GUCY2C: variants seen among roughly 807,000 people sequenced by gnomAD.
The protein encoded by GUCY2C is guanylyl cyclase C.
GUCY2C carries 118 observed loss-of-function variants against 131.1 expected under a neutral mutation model. The observed-to-expected ratio is 0.90, with a 90% CI of 0.78 to 1.05. GUCY2C has a LOEUF of 1.05. Among genes scored for constraint, GUCY2C ranks in the 50% least tolerant of loss-of-function variants. The pLI, the probability that GUCY2C is intolerant of heterozygous loss-of-function variation, is 0.00. For synonymous variants in GUCY2C, 452 were observed against 457.8 expected (o/e 0.99, Z 0.16); for missense variants, 1,161 against 1,304.4 (o/e 0.89, Z 1.69).
Position 14,613,084 on chromosome 12 carries a change from T to C in GUCY2C, c.*33A>G. Reference sequence around the variant, plus strand: ...TCGCTGCCTCAGTGCAGCTGTATTTTAATTTGTGTGAGTCCTTATACCTCA... The same window carrying C: ...TCGCTGCCTCAGTGCAGCTGTATTTCAATTTGTGTGAGTCCTTATACCTCA... On this transcript the variant is annotated 3_prime_UTR_variant, in exon 27 of 27. Coordinates refer to ENST00000261170, the MANE Select transcript of GUCY2C (RefSeq NM_004963.4). This position sits in a 1 kb window ranked among gnomAD's most constrained non-coding sequence, Gnocchi z 4.9. 3.8e-6 allele frequency: 6 copies of C among 1,575,764 alleles called. No homozygotes were observed. The highest frequency in any genetic ancestry group is 5.2e-6 in the Non-Finnish European group (6 of 1,146,636).
chr12:14,660,643 T>A (rs1269687302), intron 11 of GUCY2C, among the ~76,000 whole-genome samples: 1 of 152,214 alleles, frequency 6.6e-6, no homozygotes, highest in Non-Finnish European at 1.5e-5. Flanking sequence ...GTAGTTTGTA[T>A]ACATGTTCCA....
At chr12:14,657,871 T>C (rs1947793414) in intron 11 of GUCY2C, among the ~76,000 whole-genome samples, 1 of 152,324 alleles carries the variant, frequency 6.6e-6, no homozygotes, top group East Asian at 1.9e-4. Flanking sequence ...CTTTCGACTT[T>C]GCAGATATCA....
At chr12:14,654,672 C>A (rs1207811993) in intron 12 of GUCY2C, among the ~76,000 whole-genome samples, 3 of 152,124 alleles carry the variant, frequency 2.0e-5, no homozygotes, top group Non-Finnish European at 4.4e-5. Context: ...ATGTTTTGGG[C>A]TTACTCCAAA....
chr12:14,678,964 G>A (rs756222542), intron 6 of GUCY2C, among the ~76,000 whole-genome samples: 1 of 152,154 alleles, frequency 6.6e-6, no homozygotes, highest in Non-Finnish European at 1.5e-5. Flanking sequence ...TCAGAGAAAT[G>A]TGGAGGAAAA....
Position 14,692,732 on chromosome 12 carries a change from C to T in GUCY2C, c.217+3500G>A, listed in dbSNP as rs566305276. On this transcript the variant is annotated intron_variant, in intron 1 of 26. Transcript: ENST00000261170. ...GATGTGGTGATGCATACCTGTAATC[C>T]CAGCTACTTGGGAGGCTGAGGCAGG... 2.5e-3 allele frequency among the ~76,000 whole-genome samples: 373 copies of T among 152,188 alleles called. 1 individual carries two copies. The highest frequency in any genetic ancestry group is 4.3e-3 in the Non-Finnish European group (294 of 68,012).
At chr12:14,642,444 T>C (rs919005834) in intron 17 of GUCY2C, among the ~76,000 whole-genome samples, 3 of 152,348 alleles carry the variant, frequency 2.0e-5, no homozygotes, top group African/African-American at 7.2e-5. Context: ...TATAGTTTCA[T>C]GTTGTTAGGT....
intron 18 of GUCY2C, among the ~76,000 whole-genome samples, chr12:14,640,629 C>T (rs566639117): frequency 4.4e-4 from 67 of 152,254 alleles, no homozygotes; most frequent in Admixed American, 7.8e-4. Context: ...AAACAGTTAA[C>T]GGTTAGCACG....
At position 14,641,217 on chromosome 12, in the gene GUCY2C, G is replaced by C; in HGVS notation, c.1933C>G (p.Leu645Val). ...CNSILPPKKD[L>V]WTAPEHLRQA... The stretch of plus-strand genomic sequence containing the variant: ...CGGAGGTGCTCTGGAGCTGTCCACA[G>C]GTCTGTAAATGTAGACATTGAGATT... The change falls in exon 18 of 27, where the codon CTG (leucine) becomes GTG (valine). Residue 645 changes from leucine to valine, a missense_variant and splice_region_variant. By Grantham distance (32) the Leu-to-Val change is conservative (BLOSUM62 1). Transcript: ENST00000261170. 1 of 1,613,148 alleles carries C rather than the reference G, an allele frequency of 6.2e-7. No individual in the cohort carries two copies. The highest frequency in any genetic ancestry group is 8.5e-7 in the Non-Finnish European group (1 of 1,179,874).
chr12:14,642,355 T>C (rs1947425442), intron 17 of GUCY2C, among the ~76,000 whole-genome samples: 2 of 152,220 alleles, frequency 1.3e-5, no homozygotes, highest in South Asian at 4.1e-4. Flanking sequence ...TTCTTCAACA[T>C]GCTTCGTAAG....
intron 9 of GUCY2C, among the ~76,000 whole-genome samples, chr12:14,670,115 G>C (rs1163471724): frequency 6.6e-6 from 1 of 152,178 alleles, no homozygotes; most frequent in Non-Finnish European, 1.5e-5. Context: ...TAGTGAATCA[G>C]TTCAAGTATT....
rs1948509859 is a variant in GUCY2C at position 14,688,159 on chromosome 12, AT to A, written c.218-97del. ...TGATTCTGGGAAAAAATGGATATCCATTTTCAGGCCTAGGAATATTTACATC... is the reference window on the plus strand; with the variant it reads ...TGATTCTGGGAAAAAATGGATATCCATTTCAGGCCTAGGAATATTTACATC... On this transcript the variant is annotated intron_variant, in intron 1 of 26. Coordinates refer to ENST00000261170, the MANE Select transcript of GUCY2C (RefSeq NM_004963.4). 4 of 768,818 alleles carry A rather than the reference AT, an allele frequency of 5.2e-6. 1 individual carries two copies. In the South Asian group the frequency reaches 6.1e-5, roughly 12 times the overall value. The allele number at this position is 768,818 out of a possible 1,614,324, so 47.6% of individuals were successfully genotyped here. A position where few individuals can be genotyped will look rare whatever the true frequency, so the allele number is the denominator to read the frequency against.
At chr12:14,619,385 T>G in intron 23 of GUCY2C, 76 bp from the exon 24 acceptor site, 1 of 874,764 alleles carries the variant, frequency 1.1e-6, no homozygotes, top group South Asian at 1.4e-5. Context: ...TAAGCCTCTC[T>G]GTATGGTCAC....
rs913858462 is a variant in GUCY2C, at chr12:14,657,170, C to T, written c.1365-553G>A. Among the ~76,000 whole-genome samples, 16 of 152,208 alleles carry T rather than the reference C, an allele frequency of 1.1e-4. 1 individual carries two copies. The highest frequency in any genetic ancestry group is 6.5e-4 in the Admixed American group (10 of 15,290). Reference sequence around the variant, plus strand: ...CTTTCTTTTCTTTTCACTTCACTTTCCTAGGTTTTTCACTAAGGCAGTCCT... The same window carrying T: ...CTTTCTTTTCTTTTCACTTCACTTTTCTAGGTTTTTCACTAAGGCAGTCCT... On this transcript the variant is annotated intron_variant, in intron 11 of 26. Coordinates refer to ENST00000261170, the MANE Select transcript of GUCY2C (RefSeq NM_004963.4).
At chr12:14,668,293 C>T in intron 10 of GUCY2C, among the ~76,000 whole-genome samples, 1 of 152,188 alleles carries the variant, frequency 6.6e-6, no homozygotes, top group East Asian at 1.9e-4. Flanking sequence ...GCCTCAGCCT[C>T]CTGAGTAGCT....
intron 10 of GUCY2C, among the ~76,000 whole-genome samples, chr12:14,667,909 A>G (rs973016482): frequency 4.0e-5 from 6 of 151,792 alleles, no homozygotes; most frequent in Non-Finnish European, 8.8e-5. Context: ...ACTTTACATC[A>G]TAAGTTTTCC....
At chr12:14,689,282 C>T (rs1029977585) in intron 1 of GUCY2C, among the ~76,000 whole-genome samples, 1 of 152,002 alleles carries the variant, frequency 6.6e-6, no homozygotes, top group South Asian at 2.1e-4. Context: ...TATTTTTGGC[C>T]TGAGCAAGTG....
rs1044788962 is a variant in GUCY2C at position 14,648,540 on chromosome 12, T to C, written c.1710+2867A>G. ...CTGCCTGTCCAACCTCTGACTGGCA[T>C]CATCCTTGCTACTGATCTTTGTAAC... On this transcript the variant is annotated intron_variant, in intron 15 of 26. Coordinates refer to ENST00000261170, the MANE Select transcript of GUCY2C (RefSeq NM_004963.4). 2.0e-5 allele frequency among the ~76,000 whole-genome samples: 3 copies of C among 152,364 alleles called. No homozygotes were observed. In the South Asian group the frequency reaches 6.2e-4, roughly 32 times the overall value.
At chr12:14,652,845 TG>T in intron 13 of GUCY2C, 106 bp downstream of exon 13, 1 of 800,818 alleles carries the variant, frequency 1.2e-6, no homozygotes, top group Non-Finnish European at 2.3e-6. Context: ...AGGAACAGAC[TG>T]GGGACTCCCA....
intron 17 of GUCY2C, among the ~76,000 whole-genome samples, chr12:14,642,271 A>G (rs1947423055): frequency 6.6e-6 from 1 of 152,172 alleles, no homozygotes; most frequent in African/African-American, 2.4e-5. Context: ...TGCTGTATTT[A>G]GCTCCTATAG....
Sources: allele counts gnomAD v4.1 joint callset (sites outside exome capture counted in the v4.1 genomes callset), GRCh38; gene constraint gnomAD v4.1.1; non-coding constraint Gnocchi (gnomAD v3.1); transcripts MANE v1.5; gene names NCBI Gene and HGNC (gene_info 2026-07-23, HGNC 2026-07-21).